Variants in PPP2R5A observed in about 807,000 individuals in gnomAD.
PPP2R5A encodes the protein serine/threonine-protein phosphatase 2A 56 kDa regulatory subunit alpha isoform.
A neutral mutation model predicts 64.2 loss-of-function variants in PPP2R5A; 25 were observed. The ratio of observed to expected loss-of-function variants is 0.39; its 90% CI spans 0.28 to 0.54. The LOEUF (loss-of-function observed/expected upper bound fraction) is 0.54. Ranked by LOEUF, PPP2R5A falls within the 20% of genes least tolerant of loss-of-function variation. PPP2R5A has a pLI of 0.67. For missense variants in PPP2R5A, 425 were observed against 576.3 expected (o/e 0.74, Z 2.69); for synonymous variants, 198 against 201.2 (o/e 0.98, Z 0.13).
intron 1 of PPP2R5A, among the ~76,000 whole-genome samples, chr1:212,316,090 T>A (rs1659146785): frequency 6.6e-6 from 1 of 152,164 alleles, no homozygotes; most frequent in Non-Finnish European, 1.5e-5. Context: ...AAATTGAGAT[T>A]AGGCCAATTA....
intron 8 of PPP2R5A, among the ~76,000 whole-genome samples, chr1:212,351,415 A>G (rs771200021): frequency 3.3e-5 from 5 of 152,160 alleles, no homozygotes; most frequent in Admixed American, 1.3e-4. Flanking sequence ...TCTACAAATT[A>G]TAAGTAGCTC....
chr1:212,310,303 TG>T (rs1046805422), intron 1 of PPP2R5A, among the ~76,000 whole-genome samples: 3 of 151,976 alleles, frequency 2.0e-5, no homozygotes, highest in Non-Finnish European at 2.9e-5. Flanking sequence ...TTTTTTTTTT[TG>T]TCTCTCCTGA....
At chr1:212,318,622 CT>C (rs1236346411) in intron 1 of PPP2R5A, among the ~76,000 whole-genome samples, 1 of 152,154 alleles carries the variant, frequency 6.6e-6, no homozygotes, top group African/African-American at 2.4e-5. Flanking sequence ...TTGGTTAATA[CT>C]TGGGAAGATC....
At chr1:212,325,049 G>T (rs1198578612) in intron 1 of PPP2R5A, among the ~76,000 whole-genome samples, 1 of 151,872 alleles carries the variant, frequency 6.6e-6, no homozygotes, top group Non-Finnish European at 1.5e-5. Context: ...GTTTTTTCAA[G>T]CATCAAATAA....
chr1:212,351,348 C>T (rs148415267), intron 8 of PPP2R5A, among the ~76,000 whole-genome samples: 33 of 152,258 alleles, frequency 2.2e-4, no homozygotes, highest in Non-Finnish European at 4.6e-4. Flanking sequence ...GGCCATATTA[C>T]TTGGGTTTAA....
intron 1 of PPP2R5A, among the ~76,000 whole-genome samples, chr1:212,314,956 C>A (rs1169999641): frequency 6.6e-6 from 1 of 152,172 alleles, no homozygotes; most frequent in Non-Finnish European, 1.5e-5. Context: ...GTTCTCCTGC[C>A]TCAGCCTCCC....
intron 1 of PPP2R5A, among the ~76,000 whole-genome samples, chr1:212,323,944 T>C (rs2995258): frequency 0.83 from 126,768 of 151,822 alleles, 53,383 homozygotes; most frequent in African/African-American, 0.95. Context: ...TGGTGGTGAG[T>C]GCCTGTAATC....
At chr1:212,354,616 C>A (rs1659945337) in intron 8 of PPP2R5A, among the ~76,000 whole-genome samples, 1 of 151,718 alleles carries the variant, frequency 6.6e-6, no homozygotes, top group South Asian at 2.1e-4. Flanking sequence ...CCTAGGAGTT[C>A]AAGGTTACAA....
intron 1 of PPP2R5A, among the ~76,000 whole-genome samples, chr1:212,322,755 T>TTTTATTTA (rs59766947): frequency 0.25 from 37,382 of 146,902 alleles, 5,158 homozygotes; most frequent in South Asian, 0.42. Context: ...TTAATTCTCA[T>TTTTATTTA]TTTATTTATT....
Position 212,285,560 on chromosome 1 carries a change from C to G in PPP2R5A, c.-551C>G, listed in dbSNP as rs1234014547. On this transcript the variant is annotated 5_prime_UTR_variant, in exon 1 of 13. Transcript: ENST00000261461. ...CACGCAGAGGGCCGGGGCTACGGGG[C>G]AGCGCCCCGGGCGATGAGGGGCCGG... 1 of 152,448 alleles carries G rather than the reference C, an allele frequency of 6.6e-6. No homozygotes were observed. The highest frequency in any genetic ancestry group is 1.5e-5 in the Non-Finnish European group (1 of 68,226). The allele number at this position is 152,448 out of a possible 1,614,324, so 9.4% of individuals were successfully genotyped here.
chr1:212,292,844 G>A (rs1048138231), intron 1 of PPP2R5A, among the ~76,000 whole-genome samples: 3 of 152,196 alleles, frequency 2.0e-5, no homozygotes, highest in African/African-American at 7.2e-5. Context: ...GATTACAGAT[G>A]TGAATCACTG....
At position 212,357,238 on chromosome 1, in the gene PPP2R5A, A is replaced by G; in HGVS notation, c.1180A>G (p.Ile394Val). 1 of 1,597,986 alleles carries G rather than the reference A, an allele frequency of 6.3e-7. No homozygotes were observed. The highest frequency in any genetic ancestry group is 1.2e-5 in the South Asian group (1 of 86,934). ...GGAGAACATTGATAAAATTCTGCCA[A>G]TTATGTTTGCCAGTTTGTACAAAAT... The part of the protein sequence containing the change: ...IEENIDKILP[I>V]MFASLYKISK... Residue 394 changes from isoleucine (I) to valine (V), a missense_variant, in exon 11 of 13, where the codon ATT (isoleucine) becomes GTT (valine). By Grantham distance (29) the Ile-to-Val change is conservative. This residue lies in a region of PPP2R5A where 177 missense variants were observed against 244.8 expected (regional missense o/e 0.72). Transcript: ENST00000261461.
In PPP2R5A at chr1:212,342,060, AT is replaced by A. The variant is rs1265301839; in HGVS notation, c.481-124del. The A allele has an allele frequency of 2.5e-5, 34 of 1,350,232 alleles. No individual in the cohort carries two copies. The Middle Eastern group carries it at 7.4e-4, about 29-fold the overall frequency. 83.6% of individuals were successfully genotyped at this position (1,350,232 alleles called of 1,614,324 possible). On this transcript the variant is annotated intron_variant, in intron 3 of 12. Coordinates refer to ENST00000261461, the MANE Select transcript of PPP2R5A (RefSeq NM_006243.4). ...AAAATTTTTTTTATCAACTCATTAC[AT>A]TTTATAATGAGATCTGAAATCTCCC...
chr1:212,337,218 T>G (rs981452678), intron 3 of PPP2R5A, among the ~76,000 whole-genome samples: 4 of 152,190 alleles, frequency 2.6e-5, no homozygotes, highest in Non-Finnish European at 5.9e-5. Context: ...TTCCTAAGTA[T>G]TATTGCTTTC....
intron 1 of PPP2R5A, among the ~76,000 whole-genome samples, chr1:212,296,545 ATCT>A (rs1402858390): frequency 2.0e-5 from 3 of 152,322 alleles, no homozygotes; most frequent in African/African-American, 7.2e-5. Context: ...TCTATAGAAC[ATCT>A]TCTGTGTACA....
At chr1:212,318,289 CTG>C (rs1249773991) in intron 1 of PPP2R5A, among the ~76,000 whole-genome samples, 2 of 136,366 alleles carry the variant, frequency 1.5e-5, no homozygotes, top group South Asian at 2.4e-4. Context: ...CAAGGCATAT[CTG>C]TTTTTTTTTT....
intron 1 of PPP2R5A, among the ~76,000 whole-genome samples, chr1:212,289,502 A>G (rs1448855617): frequency 6.6e-6 from 1 of 152,168 alleles, no homozygotes; most frequent in African/African-American, 2.4e-5. Flanking sequence ...ACCTAGGTCA[A>G]ATGATTTCAG....
At chr1:212,319,496 GAC>G (rs1320717514) in intron 1 of PPP2R5A, 1 of 152,170 alleles carries the variant, frequency 6.6e-6, no homozygotes, top group Non-Finnish European at 1.5e-5. Context: ...ACATCATTAT[GAC>G]AGACTTCATT....
In PPP2R5A at chr1:212,348,638, CTTATT is replaced by C. The variant is rs763450237; in HGVS notation, c.873+145_873+149del. ...ACAAAATTACCCAAAGCAAATTTTTCTTATTTTAAAGTATTTAGTTGTTAAGTAAG... is the reference window on the plus strand; with the variant it reads ...ACAAAATTACCCAAAGCAAATTTTTCTTAAAGTATTTAGTTGTTAAGTAAG... On this transcript the variant is annotated intron_variant, in intron 7 of 12. Coordinates refer to ENST00000261461, the MANE Select transcript of PPP2R5A (RefSeq NM_006243.4). 2.1e-4 allele frequency: 135 copies of C among 636,892 alleles called. 1 individual carries two copies. Among genetic ancestry groups the C allele is most frequent in the Middle Eastern group, 4.3e-4 (1 of 2,318 alleles). The allele number at this position is 636,892 out of a possible 1,614,324, so 39.5% of individuals were successfully genotyped here.
Sources: gnomAD v4.1 joint callset for allele counts (sites outside exome capture counted in the v4.1 genomes callset) on GRCh38, gnomAD v4.1.1 for gene constraint, gnomAD v4.1.1 regional missense constraint, MANE v1.5 for transcripts, NCBI Gene and HGNC (gene_info 2026-07-23, HGNC 2026-07-21) for gene names.